Variants in GTF2IRD1 observed in about 807,000 individuals in gnomAD.
GTF2IRD1 encodes the protein GTF2I repeat domain containing 1.
GTF2IRD1 carries 26 observed loss-of-function variants against 113.2 expected under a neutral mutation model. The observed-to-expected ratio is 0.23, with a 90% CI of 0.17 to 0.32. The LOEUF is 0.32. GTF2IRD1 is among the 10% of genes least tolerant of loss of function. GTF2IRD1 has a pLI of 1.00. For synonymous variants in GTF2IRD1, 484 were observed against 529.1 expected (o/e 0.91, Z 1.17); for missense variants, 864 against 1,280.8 (o/e 0.67, Z 4.97).
At chr7:74,470,462 G>T (rs1275936747) in intron 1 of GTF2IRD1, among the ~76,000 whole-genome samples, 1 of 152,076 alleles carries the variant, frequency 6.6e-6, no homozygotes, top group East Asian at 1.9e-4. Context: ...AATTGCTAAT[G>T]GTTGTCTCTC....
rs1316643033 is a variant in GTF2IRD1, at chr7:74,555,834, C to T, written c.2023+340C>T. On this transcript the variant is annotated intron_variant, in intron 19 of 26. Coordinates refer to ENST00000424337, the MANE Select transcript of GTF2IRD1 (RefSeq NM_005685.4). This position sits in a 1 kb window ranked among gnomAD's most constrained non-coding sequence, Gnocchi z 5.3. ...CTTTGAAATCAGAATAGGAGCCAGA[C>T]GCGGCACCTCACGCCTGTAATCTCA... 1.3e-5 allele frequency among the ~76,000 whole-genome samples: 2 copies of T among 152,220 alleles called. No individual in the cohort carries two copies. The highest frequency in any genetic ancestry group is 1.9e-4 in the East Asian group (1 of 5,168).
intron 1 of GTF2IRD1, among the ~76,000 whole-genome samples, chr7:74,473,234 C>T (rs892502227): frequency 2.8e-4 from 43 of 152,120 alleles, no homozygotes; most frequent in African/African-American, 9.9e-4. Flanking sequence ...AGGGAAGGAC[C>T]CCAGGAGAAC....
At chr7:74,541,911 A>AATAG (rs58094935) in intron 14 of GTF2IRD1, among the ~76,000 whole-genome samples, 11,533 of 150,088 alleles carry the variant, frequency 0.077, 563 homozygotes, top group South Asian at 0.24. Context: ...AAAATAACTA[A>AATAG]ATAGATAGAT....
At chr7:74,540,823 G>T (rs1289849355) in intron 14 of GTF2IRD1, among the ~76,000 whole-genome samples, 1 of 151,918 alleles carries the variant, frequency 6.6e-6, no homozygotes, top group Non-Finnish European at 1.5e-5. Context: ...CACCCAGACT[G>T]GAGTGCAGTG....
At chr7:74,510,095 AG>A (rs2130064644) in intron 2 of GTF2IRD1, among the ~76,000 whole-genome samples, 1 of 152,232 alleles carries the variant, frequency 6.6e-6, no homozygotes, top group South Asian at 2.1e-4. Context: ...TGTTTGGGGC[AG>A]CGGTGGGAGA....
intron 3 of GTF2IRD1, 106 bp downstream of exon 3, chr7:74,513,077 T>TG (rs1420032216): frequency 2.7e-6 from 3 of 1,104,952 alleles, no homozygotes; most frequent in Non-Finnish European, 3.9e-6. Context: ...TGGCGGTGTG[T>TG]GGGGAGTGAA....
At chr7:74,499,958 A>G (rs577342825) in intron 1 of GTF2IRD1, among the ~76,000 whole-genome samples, 23 of 152,368 alleles carry the variant, frequency 1.5e-4, no homozygotes, top group Admixed American at 1.1e-3. Flanking sequence ...AAAGGAATGA[A>G]TGTACACATC....
At chr7:74,586,489 G>A (rs1164308230) in intron 22 of GTF2IRD1, among the ~76,000 whole-genome samples, 1 of 152,222 alleles carries the variant, frequency 6.6e-6, no homozygotes, top group Non-Finnish European at 1.5e-5. Flanking sequence ...AGGGGGGCTG[G>A]CGGGCCGTGC....
At chr7:74,528,943 G>A (rs868948950) in intron 8 of GTF2IRD1, among the ~76,000 whole-genome samples, 6 of 133,956 alleles carry the variant, frequency 4.5e-5, no homozygotes, top group Admixed American at 7.4e-5. Flanking sequence ...GGGTGGATGG[G>A]TGGATGGATG....
chr7:74,559,772 C>A, intron 22 of GTF2IRD1, 117 bp downstream of exon 22: 1 of 782,374 alleles, frequency 1.3e-6, no homozygotes, highest in Non-Finnish European at 1.9e-6. Flanking sequence ...AGAAGCCAGG[C>A]CCCTGCCTTT....
At chr7:74,472,005 C>T (rs1794143998) in intron 1 of GTF2IRD1, among the ~76,000 whole-genome samples, 1 of 152,112 alleles carries the variant, frequency 6.6e-6, no homozygotes, top group Non-Finnish European at 1.5e-5. Context: ...AACAAACAAA[C>T]AAACAAACAA....
chr7:74,599,742 C>G (rs1323765791), intron 25 of GTF2IRD1, among the ~76,000 whole-genome samples: 2 of 152,102 alleles, frequency 1.3e-5, no homozygotes, highest in African/African-American at 4.8e-5. Context: ...AGGCTGGTCT[C>G]GAACTCCTGA....
At chr7:74,546,983 G>A in intron 16 of GTF2IRD1, 120 bp from the exon 17 acceptor site, 12 of 847,874 alleles carry the variant, frequency 1.4e-5, no homozygotes, top group Non-Finnish European at 2.0e-5. Flanking sequence ...TCCCAGGAAA[G>A]CTGGCAGGCC....
chr7:74,525,111 C>T (rs968764039), intron 8 of GTF2IRD1, among the ~76,000 whole-genome samples: 3 of 152,188 alleles, frequency 2.0e-5, no homozygotes, highest in Non-Finnish European at 2.9e-5. Context: ...CTGTTGGCCT[C>T]ATGTGCAAGT....
At chr7:74,499,446 G>A (rs1036410759) in intron 1 of GTF2IRD1, among the ~76,000 whole-genome samples, 14 of 151,392 alleles carry the variant, frequency 9.2e-5, no homozygotes, top group Non-Finnish European at 5.9e-5. Context: ...GGGAGGGAGA[G>A]AGAGAAGGAA....
At chr7:74,577,761 T>C (rs192052772) in intron 22 of GTF2IRD1, among the ~76,000 whole-genome samples, 1 of 152,192 alleles carries the variant, frequency 6.6e-6, no homozygotes, top group East Asian at 1.9e-4. Flanking sequence ...AAACCATCCT[T>C]ACCACCTCAG....
At chr7:74,499,629 A>G (rs1437581918) in intron 1 of GTF2IRD1, among the ~76,000 whole-genome samples, 1 of 152,034 alleles carries the variant, frequency 6.6e-6, no homozygotes, top group Non-Finnish European at 1.5e-5. Flanking sequence ...TACACAAAGG[A>G]ATGCATGCAC....
At chr7:74,595,668 G>C (rs1335247710) in intron 25 of GTF2IRD1, among the ~76,000 whole-genome samples, 1 of 152,208 alleles carries the variant, frequency 6.6e-6, no homozygotes, top group African/African-American at 2.4e-5. Context: ...AGGTCTCCAT[G>C]AACAGAGCCA....
chr7:74,579,069 C>T lies in GTF2IRD1; in HGVS notation c.2321-10782C>T, dbSNP rs189114665. Among the ~76,000 whole-genome samples, 381 of 151,798 alleles carry T rather than the reference C, an allele frequency of 2.5e-3. 1 individual carries two copies. The highest frequency in any genetic ancestry group is 4.0e-3 in the Non-Finnish European group (271 of 67,980). On this transcript the variant is annotated intron_variant, in intron 22 of 26. Transcript: ENST00000424337. ...CAGCCTGGTGACTCGCCCCTGTAATCCCAACACTTTGGGAGGCTGAGGCGG... is the reference window on the plus strand; with the variant it reads ...CAGCCTGGTGACTCGCCCCTGTAATTCCAACACTTTGGGAGGCTGAGGCGG...
Sources: gnomAD v4.1 joint callset for allele counts (sites outside exome capture counted in the v4.1 genomes callset) on GRCh38, gnomAD v4.1.1 for gene constraint, Gnocchi (gnomAD v3.1) non-coding constraint, MANE v1.5 for transcripts, NCBI Gene and HGNC (gene_info 2026-07-23, HGNC 2026-07-21) for gene names.